Variants in BZW2 observed in about 807,000 individuals in gnomAD.
The protein encoded by BZW2 is eIF5-mimic protein 1.
In BZW2, 23 loss-of-function variants were observed where a neutral mutation model predicts 53.2. That is an observed-to-expected ratio of 0.43 (90% CI 0.31 to 0.61). BZW2 has a LOEUF of 0.61. Among genes scored for constraint, BZW2 ranks in the 20% least tolerant of loss-of-function variants. BZW2 has a pLI of 0.09. For synonymous variants in BZW2, 227 were observed against 186.4 expected (o/e 1.22, Z -1.77); for missense variants, 409 against 503.1 (o/e 0.81, Z 1.79).
intron 11 of BZW2, 106 bp from the exon 12 acceptor site, chr7:16,705,954 A>G: frequency 2.4e-6 from 3 of 1,271,986 alleles, no homozygotes; most frequent in Non-Finnish European, 3.4e-6. Context: ...CTAGGGTAAA[A>G]GTATGCTGGT....
chr7:16,670,117 C>A lies in BZW2; in HGVS notation c.59-4295C>A, dbSNP rs561832378. Among the ~76,000 whole-genome samples the A allele has an allele frequency of 1.8e-3, 280 of 152,238 alleles. 3 individuals are homozygous for A. The highest frequency in any genetic ancestry group is 6.0e-3 in the South Asian group (29 of 4,820). Reference sequence around the variant, plus strand: ...TTTAGCAGCTGGGAGCTTTTTTCAGCCTGCAAAACAATTATTAGTCCTTTC... The same window carrying A: ...TTTAGCAGCTGGGAGCTTTTTTCAGACTGCAAAACAATTATTAGTCCTTTC... On this transcript the variant is annotated intron_variant, in intron 2 of 11. Transcript: ENST00000258761.
intron 1 of BZW2, among the ~76,000 whole-genome samples, chr7:16,657,470 A>T (rs1016384882): frequency 6.6e-6 from 1 of 152,200 alleles, no homozygotes; most frequent in African/African-American, 2.4e-5. Flanking sequence ...AATATCCTAA[A>T]GTAGAAAAAG....
At chr7:16,697,990 G>A (rs1783552810) in intron 9 of BZW2, 58 bp from the exon 10 acceptor site, 1 of 1,598,340 alleles carries the variant, frequency 6.3e-7, no homozygotes, top group Admixed American at 1.7e-5. Flanking sequence ...AGTTCCAGCA[G>A]TGTCGGCTCT....
At chr7:16,704,699 C>G (rs1208668020) in intron 11 of BZW2, 30 bp downstream of exon 11, 1 of 1,514,808 alleles carries the variant, frequency 6.6e-7, no homozygotes, top group Non-Finnish European at 9.0e-7. Flanking sequence ...CATTGATGAC[C>G]TTTAAACACT....
At chr7:16,651,223 A>G (rs897639633) in intron 1 of BZW2, among the ~76,000 whole-genome samples, 5 of 152,164 alleles carry the variant, frequency 3.3e-5, no homozygotes, top group African/African-American at 1.2e-4. Context: ...TTACATCTCA[A>G]CTTATTTTTA....
chr7:16,661,739 A>G (rs533793656), intron 1 of BZW2, among the ~76,000 whole-genome samples: 4 of 152,106 alleles, frequency 2.6e-5, no homozygotes, highest in African/African-American at 9.6e-5. Context: ...CATTTTGTTT[A>G]CCATTTCACA....
chr7:16,646,391 A>T (rs1327857343), intron 1 of BZW2, 103 bp downstream of exon 1: 2 of 165,702 alleles, frequency 1.2e-5, no homozygotes, highest in African/African-American at 2.4e-5. Context: ...GCGGGGAGGA[A>T]GCATGTGCCT....
chr7:16,659,440 C>G (rs1782196943), intron 1 of BZW2, among the ~76,000 whole-genome samples: 1 of 152,060 alleles, frequency 6.6e-6, no homozygotes, highest in Admixed American at 6.6e-5. Context: ...TAGTTTGTTG[C>G]TTAGAGTGTC....
chr7:16,699,487 AT>A (rs1783602951), intron 10 of BZW2, among the ~76,000 whole-genome samples: 1 of 152,166 alleles, frequency 6.6e-6, no homozygotes, highest in Non-Finnish European at 1.5e-5. Flanking sequence ...CAGGTTTCAC[AT>A]TTGTTTTGAG....
At chr7:16,686,225 G>A in intron 6 of BZW2, 185 bp downstream of exon 6, 1 of 896,540 alleles carries the variant, frequency 1.1e-6, no homozygotes, top group South Asian at 1.7e-5. Context: ...TTAATTGTAG[G>A]AAGTTTGAAG....
In BZW2 at chr7:16,674,473, G is replaced by T; in HGVS notation, c.120G>T (p.Glu40Asp). ...ATACACTTGTCCAGGGGCTTAATGA[G>T]GCTGGTGATGACCTTGAAGCTGTAG... ...FRDTLVQGLNEAGDDLEAVAK... is the reference protein window; with the variant it reads ...FRDTLVQGLNDAGDDLEAVAK... The change falls in exon 3 of 12, where the codon GAG (glutamate) becomes GAT (aspartate). Residue 40 changes from glutamate (E) to aspartate (D), a missense_variant. Glu to Asp is a conservative substitution (Grantham distance 45). This residue lies in a region of BZW2 where 316 missense variants were observed against 366.8 expected (regional missense o/e 0.86). Coordinates refer to ENST00000258761, the MANE Select transcript of BZW2 (RefSeq NM_014038.3). 1.2e-6 allele frequency: 2 copies of T among 1,613,436 alleles called. No homozygotes were observed. The highest frequency in any genetic ancestry group is 1.7e-6 in the Non-Finnish European group (2 of 1,179,560).
chr7:16,680,488 T>G (rs550120539), intron 3 of BZW2, among the ~76,000 whole-genome samples: 1 of 152,280 alleles, frequency 6.6e-6, no homozygotes, highest in African/African-American at 2.4e-5. Context: ...ATGAAACAAC[T>G]AATTTGTATT....
chr7:16,653,955 T>C (rs1349836068), intron 1 of BZW2, among the ~76,000 whole-genome samples: 1 of 151,712 alleles, frequency 6.6e-6, no homozygotes, highest in Non-Finnish European at 1.5e-5. Context: ...GTTAAAATAA[T>C]ATAGAGACTG....
intron 8 of BZW2, 144 bp downstream of exon 8, chr7:16,695,148 C>A: frequency 4.0e-6 from 3 of 742,612 alleles, no homozygotes; most frequent in South Asian, 5.8e-5. Context: ...TTTAAATTAA[C>A]TCAGCTTCAA....
chr7:16,685,554 C>T (rs1783090460), intron 5 of BZW2, among the ~76,000 whole-genome samples: 2 of 152,060 alleles, frequency 1.3e-5, no homozygotes, highest in African/African-American at 4.8e-5. Flanking sequence ...CAATACATTT[C>T]AGAAAACATG....
chr7:16,674,190 G>A lies in BZW2; in HGVS notation c.59-222G>A, dbSNP rs891801133. The stretch of plus-strand genomic sequence containing the variant: ...GCTGGGATTACAGGCGTGAGCCACC[G>A]CGCCCGGCCTACAGTAACTTATTTT... On this transcript the variant is annotated intron_variant, in intron 2 of 11. Transcript: ENST00000258761. Among the ~76,000 whole-genome samples the A allele has an allele frequency of 9.2e-5, 14 of 152,238 alleles. No homozygotes were observed. The South Asian group carries it at 1.9e-3, about 20-fold the overall frequency.
intron 5 of BZW2, 29 bp from the exon 6 acceptor site, chr7:16,685,876 C>CT (rs34699573): frequency 0.12 from 158,842 of 1,281,636 alleles, 3,503 homozygotes; most frequent in African/African-American, 0.21. Context: ...TTTTCTTTTT[C>CT]TTTTTTTTTT....
intron 4 of BZW2, among the ~76,000 whole-genome samples, chr7:16,682,170 T>C (rs1180248007): frequency 2.0e-5 from 3 of 152,268 alleles, no homozygotes; most frequent in East Asian, 3.9e-4. Flanking sequence ...AGGAACTAGA[T>C]TAAGAAATCA....
At chr7:16,688,311 G>T (rs1266450183) in intron 6 of BZW2, among the ~76,000 whole-genome samples, 1 of 152,180 alleles carries the variant, frequency 6.6e-6, no homozygotes, top group Non-Finnish European at 1.5e-5. Context: ...CCCTCTAGTT[G>T]TTATAAGATG....
Sources: allele counts gnomAD v4.1 joint callset (sites outside exome capture counted in the v4.1 genomes callset), GRCh38; gene constraint gnomAD v4.1.1; regional missense constraint gnomAD v4.1.1; transcripts MANE v1.5; gene names NCBI Gene and HGNC (gene_info 2026-07-23, HGNC 2026-07-21).